The following DENND1A variants were observed in gnomAD, a reference collection of about 807,000 sequenced individuals.
The protein encoded by DENND1A is DENN domain containing 1A, also known as DENN domain-containing protein 1A.
A neutral mutation model predicts 113.7 loss-of-function variants in DENND1A; 51 were observed. The ratio of observed to expected loss-of-function variants is 0.45; its 90% CI spans 0.36 to 0.57. The LOEUF is 0.57. DENND1A is among the 20% of genes least tolerant of loss of function. DENND1A has a pLI of 0.00. For missense variants in DENND1A, 1,258 were observed against 1,395.9 expected, an observed-to-expected ratio of 0.90 and a Z score of 1.57; for synonymous variants, 565 against 570.8, an observed-to-expected ratio of 0.99 and a Z score of 0.14.
At chr9:123,601,933 C>T (rs1299322444) in intron 11 of DENND1A, among the ~76,000 whole-genome samples, 1 of 152,200 alleles carries the variant, frequency 6.6e-6, no homozygotes, top group East Asian at 1.9e-4. Context: ...ATCCCCAGCA[C>T]ACAGCACTGA....
chr9:123,856,760 A>T (rs1844275137), intron 2 of DENND1A, among the ~76,000 whole-genome samples: 1 of 151,414 alleles, frequency 6.6e-6, no homozygotes, highest in South Asian at 2.1e-4. Context: ...AGGCAGAGCG[A>T]CACAGGGTAT....
In DENND1A at chr9:123,811,114, G is replaced by A. The variant is rs552619331; in HGVS notation, c.89-18484C>T. On this transcript the variant is annotated intron_variant, in intron 2 of 23. Transcript: ENST00000394215. ...TGAAGCCTGGACTAGACCCTGTTATGCATTCAATCTGCTCTCTTCTACTCA... is the reference window on the plus strand; with the variant it reads ...TGAAGCCTGGACTAGACCCTGTTATACATTCAATCTGCTCTCTTCTACTCA... 6.6e-5 allele frequency among the ~76,000 whole-genome samples: 10 copies of A among 152,216 alleles called. No homozygotes were observed. The East Asian group carries it at 1.7e-3, about 26-fold the overall frequency.
chr9:123,770,663 A>G (rs1359743190), intron 3 of DENND1A, among the ~76,000 whole-genome samples: 3 of 152,198 alleles, frequency 2.0e-5, no homozygotes, highest in African/African-American at 7.2e-5. Flanking sequence ...AACTATTTAA[A>G]ATCCCAACTT....
intron 6 of DENND1A, among the ~76,000 whole-genome samples, chr9:123,674,586 T>C (rs2063951522): frequency 6.6e-6 from 1 of 152,190 alleles, no homozygotes; most frequent in Non-Finnish European, 1.5e-5. Context: ...ATAATTCTTT[T>C]AACCAAAGGG....
intron 5 of DENND1A, among the ~76,000 whole-genome samples, chr9:123,721,342 T>C (rs2067319187): frequency 6.6e-6 from 1 of 152,234 alleles, no homozygotes; most frequent in South Asian, 2.1e-4. Context: ...TCCACCACTC[T>C]GCAGAAGCAC....
Position 123,879,342 on chromosome 9 carries a change from G to A in DENND1A, c.18-321C>T, listed in dbSNP as rs1847985572. 3.9e-5 allele frequency among the ~76,000 whole-genome samples: 6 copies of A among 152,038 alleles called. No homozygotes were observed. In the South Asian group the frequency reaches 1.2e-3, roughly 32 times the overall value. The stretch of plus-strand genomic sequence containing the variant: ...GAGGCCAGGAGTTCAAAACCAGCCT[G>A]GGCAATATAGCAAAACCCTGTCTCT... On this transcript the variant is annotated intron_variant, in intron 1 of 23. Transcript: ENST00000394215.
intron 9 of DENND1A, among the ~76,000 whole-genome samples, chr9:123,650,906 CAAAA>C (rs76905879): frequency 2.8e-5 from 1 of 35,652 alleles, no homozygotes; most frequent in Admixed American, 3.2e-4. Flanking sequence ...GACTCTGTCT[CAAAA>C]AAAAAAAAAA....
chr9:123,574,764 G>C (rs2058545930), intron 12 of DENND1A, among the ~76,000 whole-genome samples: 1 of 152,144 alleles, frequency 6.6e-6, no homozygotes, highest in Non-Finnish European at 1.5e-5. Flanking sequence ...GCTGCTAAAA[G>C]CCTAAAACAA....
chr9:123,619,684 T>C (rs989706258), intron 10 of DENND1A, among the ~76,000 whole-genome samples: 4 of 152,216 alleles, frequency 2.6e-5, no homozygotes, highest in Non-Finnish European at 5.9e-5. Context: ...CCCAAAGTGC[T>C]GGCATTACAG....
rs150956719 is a variant in DENND1A at position 123,719,634 on chromosome 9, A to AT, written c.302+38068dup. Among the ~76,000 whole-genome samples the AT allele has an allele frequency of 1.1e-3, 166 of 148,346 alleles. 2 individuals are homozygous for AT. The highest frequency in any genetic ancestry group is 1.9e-3 in the Non-Finnish European group (127 of 66,666). ...GACCAGAAGTGTTAAAGGTTTTCAG[A>AT]TTTTTTTTTTTTAATTTTGAAGTAT... On this transcript the variant is annotated intron_variant, in intron 5 of 23. Coordinates refer to ENST00000394215, the MANE Select transcript of DENND1A (RefSeq NM_001352964.2).
intron 2 of DENND1A, among the ~76,000 whole-genome samples, chr9:123,832,810 A>G (rs562893084): frequency 6.6e-6 from 1 of 152,328 alleles, no homozygotes; most frequent in Admixed American, 6.5e-5. Flanking sequence ...ATGTTGAACA[A>G]CAGGTAAAAA....
chr9:123,524,583 T>C (rs755950174), intron 13 of DENND1A, among the ~76,000 whole-genome samples: 25 of 152,120 alleles, frequency 1.6e-4, no homozygotes, highest in Non-Finnish European at 2.9e-4. Context: ...ACAAAACACA[T>C]TTAAGGGCTG....
At position 123,487,564 on chromosome 9, in the gene DENND1A, T is replaced by C. The variant is rs150677416; in HGVS notation, c.994-29667A>G. 2.0e-3 allele frequency among the ~76,000 whole-genome samples: 298 copies of C among 152,366 alleles called. 1 individual carries two copies. The highest frequency in any genetic ancestry group is 6.4e-3 in the African/African-American group (268 of 41,584). On this transcript the variant is annotated intron_variant, in intron 13 of 23. Coordinates refer to ENST00000394215, the MANE Select transcript of DENND1A (RefSeq NM_001352964.2). ...ATGGCTTTCCTGGATGCGATTGTCC[T>C]GTGGACACTTTCTTGTCCCACATGC...
At chr9:123,883,868 CA>C (rs75076282) in intron 1 of DENND1A, among the ~76,000 whole-genome samples, 11,569 of 93,868 alleles carry the variant, frequency 0.12, 501 homozygotes, top group African/African-American at 0.17. Flanking sequence ...ATGACAGTCT[CA>C]AAAAAAAAAA....
intron 5 of DENND1A, among the ~76,000 whole-genome samples, chr9:123,748,167 T>C (rs996676926): frequency 2.0e-5 from 3 of 152,204 alleles, no homozygotes; most frequent in Non-Finnish European, 4.4e-5. Flanking sequence ...CAGGAAAGAA[T>C]ATTTAATGAC....
chr9:123,530,506 T>C (rs1034636557), intron 13 of DENND1A, among the ~76,000 whole-genome samples: 2 of 152,128 alleles, frequency 1.3e-5, no homozygotes, highest in Admixed American at 6.6e-5. Flanking sequence ...AGACTCTCAC[T>C]GAAAGAAATA....
In DENND1A at chr9:123,593,871, G is replaced by T. The variant is rs1325138586; in HGVS notation, c.766-10601C>A. Among the ~76,000 whole-genome samples the T allele has an allele frequency of 3.9e-5, 6 of 152,204 alleles. No individual in the cohort carries two copies. The East Asian group carries it at 1.2e-3, about 29-fold the overall frequency. On this transcript the variant is annotated intron_variant, in intron 11 of 23. Transcript: ENST00000394215. ...GGTGGGAGGTGACTGGATCGTGGGG[G>T]CTAATTTCCCCCTTGCTGTTCTTGT... is the stretch of plus-strand genomic sequence containing the variant.
chr9:123,920,514 T>C (rs1375461145), intron 1 of DENND1A, among the ~76,000 whole-genome samples: 3 of 152,196 alleles, frequency 2.0e-5, no homozygotes, highest in Non-Finnish European at 4.4e-5. Flanking sequence ...TATAAATCTT[T>C]TATAAAACTG....
intron 19 of DENND1A, among the ~76,000 whole-genome samples, chr9:123,420,243 G>C (rs2045140302): frequency 6.6e-6 from 1 of 152,228 alleles, no homozygotes; most frequent in Admixed American, 6.5e-5. Flanking sequence ...GCGACTCTGA[G>C]ACAGAGGCTC....
Sources: gnomAD v4.1 joint callset for allele counts (sites outside exome capture counted in the v4.1 genomes callset) on GRCh38, gnomAD v4.1.1 for gene constraint, MANE v1.5 for transcripts, NCBI Gene and HGNC (gene_info 2026-07-23, HGNC 2026-07-21) for gene names.